The following PTPRD variants were observed in gnomAD, a reference collection of about 807,000 sequenced individuals.
The protein encoded by PTPRD is protein tyrosine phosphatase receptor type D, also known as receptor-type tyrosine-protein phosphatase delta.
In PTPRD, 34 loss-of-function variants were observed where a neutral mutation model predicts 214.5. That is an observed-to-expected ratio of 0.16 (90% CI 0.12 to 0.21). The LOEUF (loss-of-function observed/expected upper bound fraction) is 0.21. PTPRD is among the 10% of genes least tolerant of loss of function. PTPRD has a pLI of 1.00. For synonymous variants in PTPRD, 1,128 were observed against 845.7 expected, an observed-to-expected ratio of 1.33 and a Z score of -5.79; for missense variants, 2,545 against 2,398.7, an observed-to-expected ratio of 1.06 and a Z score of -1.27.
chr9:10,032,611 T>TA (rs1034774241), intron 4 of PTPRD, among the ~76,000 whole-genome samples: 1 of 152,160 alleles, frequency 6.6e-6, no homozygotes, highest in Admixed American at 6.5e-5. Context: ...TGTATAAATG[T>TA]AAAAACACAC....
At chr9:10,499,345 T>C (rs919769697) in intron 2 of PTPRD, among the ~76,000 whole-genome samples, 1 of 151,876 alleles carries the variant, frequency 6.6e-6, no homozygotes, top group East Asian at 1.9e-4. Context: ...AGAAAGTCCT[T>C]ACTAAACTCG....
intron 5 of PTPRD, among the ~76,000 whole-genome samples, chr9:9,860,836 A>G (rs979872856): frequency 6.6e-6 from 1 of 152,246 alleles, no homozygotes; most frequent in Non-Finnish European, 1.5e-5. Context: ...ACCAAAGCAC[A>G]AAACAGAGAT....
At chr9:9,163,942 T>C (rs939888104) in intron 10 of PTPRD, among the ~76,000 whole-genome samples, 2 of 152,202 alleles carry the variant, frequency 1.3e-5, no homozygotes, top group African/African-American at 4.8e-5. Flanking sequence ...TTATGTTACA[T>C]ATCACTTCCT....
At chr9:9,799,414 T>A (rs1366942582) in intron 5 of PTPRD, 2 of 152,176 alleles carry the variant, frequency 1.3e-5, no homozygotes, top group Non-Finnish European at 2.9e-5. Context: ...ATCCACAATG[T>A]TTTGAAGCCC....
chr9:10,251,167 A>G (rs1435578706), intron 3 of PTPRD, among the ~76,000 whole-genome samples: 2 of 152,158 alleles, frequency 1.3e-5, no homozygotes, highest in African/African-American at 4.8e-5. Context: ...CAATTGATTA[A>G]ATAACATGCT....
At chr9:10,217,665 A>G (rs1445628126) in intron 3 of PTPRD, among the ~76,000 whole-genome samples, 1 of 151,864 alleles carries the variant, frequency 6.6e-6, no homozygotes, top group Non-Finnish European at 1.5e-5. Context: ...AAACCATCTA[A>G]AGCTCCTTGT....
chr9:8,329,441 G>GTATC (rs1403932248), intron 44 of PTPRD, among the ~76,000 whole-genome samples: 11 of 152,126 alleles, frequency 7.2e-5, no homozygotes, highest in African/African-American at 2.7e-4. Flanking sequence ...CCTGTATGAG[G>GTATC]TATCTGTCAG....
intron 4 of PTPRD, among the ~76,000 whole-genome samples, chr9:9,958,915 G>C (rs1374300691): frequency 6.6e-6 from 1 of 152,068 alleles, no homozygotes; most frequent in East Asian, 1.9e-4. Flanking sequence ...AATACAAAAT[G>C]GTACAGCCAT....
chr9:10,325,613 A>C (rs1420884838), intron 3 of PTPRD, among the ~76,000 whole-genome samples: 1 of 151,958 alleles, frequency 6.6e-6, no homozygotes, highest in Non-Finnish European at 1.5e-5. Flanking sequence ...TATTATAAGG[A>C]AATAAAAGAG....
In PTPRD at chr9:8,314,979, T is replaced by TG. The variant is rs1820958474; in HGVS notation, c.*2894_*2895insC. 8.6e-6 allele frequency: 2 copies of TG among 232,496 alleles called. No homozygotes were observed. The highest frequency in any genetic ancestry group is 1.8e-4 in the South Asian group (1 of 5,522). 14.4% of individuals were successfully genotyped at this position (232,496 alleles called of 1,614,324 possible). ...AAAATAAAGTTCTGTACAAATCACTTTTTATATATTTTGATTTTTTTTACC... is the reference window on the plus strand; with the variant it reads ...AAAATAAAGTTCTGTACAAATCACTTGTTTATATATTTTGATTTTTTTTACC... On this transcript the variant is annotated 3_prime_UTR_variant, in exon 46 of 46. Transcript: ENST00000381196.
chr9:9,762,654 T>C (rs1266709794), intron 6 of PTPRD, among the ~76,000 whole-genome samples: 1 of 152,222 alleles, frequency 6.6e-6, no homozygotes, highest in East Asian at 1.9e-4. Context: ...TTGATTCTCT[T>C]CCAGTTTACA....
rs2098631945 is a variant in PTPRD at position 8,897,742 on chromosome 9, T to C, written c.-104+120955A>G. Reference sequence around the variant, plus strand: ...GTAAAGACGTTGGCAACCTGAGATATGGGGGGCACACAGCTGGAAAGAATG... The same window carrying C: ...GTAAAGACGTTGGCAACCTGAGATACGGGGGGCACACAGCTGGAAAGAATG... On this transcript the variant is annotated intron_variant, in intron 11 of 45. Transcript: ENST00000381196. Among the ~76,000 whole-genome samples, 4 of 152,064 alleles carry C rather than the reference T, an allele frequency of 2.6e-5. No homozygotes were observed. The South Asian group carries it at 8.3e-4, about 31-fold the overall frequency.
At chr9:9,818,480 T>C (rs1010389371) in intron 5 of PTPRD, among the ~76,000 whole-genome samples, 8 of 152,118 alleles carry the variant, frequency 5.3e-5, no homozygotes, top group Non-Finnish European at 1.2e-4. Flanking sequence ...ATGAGTAATG[T>C]TGATGTTACT....
At chr9:10,523,620 T>TATATATATATATATATATATATATAA (rs2053207646) in intron 2 of PTPRD, among the ~76,000 whole-genome samples, 1 of 128,614 alleles carries the variant, frequency 7.8e-6, no homozygotes, top group Admixed American at 8.0e-5. Context: ...TATATATATA[T>TATATATATATATATATATATATATAA]ATAGACAGAA....
chr9:10,443,574 C>A (rs1026609282), intron 2 of PTPRD, among the ~76,000 whole-genome samples: 2 of 151,572 alleles, frequency 1.3e-5, no homozygotes, highest in Non-Finnish European at 3.0e-5. Flanking sequence ...AGTAGATATC[C>A]ATTTATACCT....
intron 9 of PTPRD, among the ~76,000 whole-genome samples, chr9:9,276,446 G>T (rs373483017): frequency 2.2e-4 from 34 of 151,300 alleles, no homozygotes; most frequent in African/African-American, 7.3e-4. Flanking sequence ...GGGCAAGGTG[G>T]TTTTCTCAGA....
At chr9:9,794,184 T>C (rs970236723) in intron 5 of PTPRD, among the ~76,000 whole-genome samples, 5 of 148,176 alleles carry the variant, frequency 3.4e-5, no homozygotes, top group African/African-American at 1.0e-4. Context: ...CATGTATATA[T>C]ACATATGTGT....
At chr9:9,795,470 A>G (rs962122283) in intron 5 of PTPRD, among the ~76,000 whole-genome samples, 10 of 152,194 alleles carry the variant, frequency 6.6e-5, no homozygotes, top group Non-Finnish European at 1.3e-4. Flanking sequence ...GTATTTAAGG[A>G]ACCAAAAACA....
chr9:8,930,360 A>G (rs1353705939), intron 11 of PTPRD, among the ~76,000 whole-genome samples: 2 of 152,006 alleles, frequency 1.3e-5, no homozygotes, highest in Non-Finnish European at 2.9e-5. Flanking sequence ...CCAGTCTATC[A>G]TTGTTGGACA....
Sources: allele counts gnomAD v4.1 joint callset (sites outside exome capture counted in the v4.1 genomes callset), GRCh38; gene constraint gnomAD v4.1.1; transcripts MANE v1.5; gene names NCBI Gene and HGNC (gene_info 2026-07-23, HGNC 2026-07-21).